The following ADCY7 variants were observed in gnomAD, a reference collection of about 807,000 sequenced individuals.
ADCY7 encodes adenylate cyclase type 7.
In ADCY7, 72 loss-of-function variants were observed where a neutral mutation model predicts 120.6. That is an observed-to-expected ratio of 0.60 (90% CI 0.49 to 0.73). ADCY7 has a LOEUF of 0.73. ADCY7 is among the 30% of genes least tolerant of loss of function. ADCY7 has a pLI of 0.00. For synonymous variants in ADCY7, 661 were observed against 628.0 expected (o/e 1.05, Z -0.78); for missense variants, 1,227 against 1,486.0 (o/e 0.83, Z 2.87).
chr16:50,288,338 C>T lies in ADCY7; in HGVS notation c.159C>T (p.Ala53=), dbSNP rs1000314822. 15 of 1,548,074 alleles carry T rather than the reference C, an allele frequency of 9.7e-6. No individual in the cohort carries two copies. In the African/African-American group the frequency reaches 1.8e-4, roughly 18 times the overall value. The change falls in exon 2 of 26, where the codon GCC becomes GCT. Residue 53 remains alanine, a synonymous_variant. Transcript: ENST00000673801. ...CCTGCGTGGCCCTCATCATCATTGC[C>T]TTCAGCCAGGGGGTGAGTGAGGGCA... ...ATACVALIII[A]FSQGDPSRHQ... is the part of the protein sequence containing the mutation.
At chr16:50,256,021 AATT>A (rs34181816) in intron 1 of ADCY7, among the ~76,000 whole-genome samples, 24 of 151,718 alleles carry the variant, frequency 1.6e-4, no homozygotes, top group African/African-American at 3.9e-4. Flanking sequence ...TGGTCTGGGC[AATT>A]ATTATTATTA....
intron 10 of ADCY7, among the ~76,000 whole-genome samples, chr16:50,303,212 G>A (rs1015996792): frequency 3.3e-5 from 5 of 152,100 alleles, no homozygotes; most frequent in Non-Finnish European, 7.3e-5. Flanking sequence ...CCCCCACCAG[G>A]TTGCTCACCA....
At chr16:50,311,395 C>G (rs1236113361) in intron 19 of ADCY7, among the ~76,000 whole-genome samples, 1 of 152,182 alleles carries the variant, frequency 6.6e-6, no homozygotes, top group Non-Finnish European at 1.5e-5. Context: ...CCATCCACCC[C>G]ACCCCGCCTG....
At chr16:50,313,723 A>T (rs2036617640) in intron 22 of ADCY7, 1 of 544,750 alleles carries the variant, frequency 1.8e-6, no homozygotes, top group African/African-American at 1.9e-5. Context: ...GCAGACACAG[A>T]TGGAAGGGAA....
Position 50,309,681 on chromosome 16 carries a change from C to G in ADCY7, c.2160+35C>G, listed in dbSNP as rs374941838. The G allele has an allele frequency of 2.6e-5, 41 of 1,571,594 alleles. No homozygotes were observed. In the African/African-American group the frequency reaches 5.2e-4, roughly 20 times the overall value. On this transcript the variant is annotated intron_variant, in intron 18 of 25. Transcript: ENST00000673801. ...CCGGGCCCGGCTCCGTGGCCTCATT[C>G]AGAGTGGGGCTGCTGCTGCCAGAGG...
Position 50,300,872 on chromosome 16 carries a change from G to A in ADCY7, c.1234G>A (p.Gly412Ser), listed in dbSNP as rs984907922. The change falls in exon 9 of 26, where the codon GGC becomes AGC. Residue 412 changes from glycine (G) to serine (S), a missense_variant and splice_region_variant. This residue lies in a region of ADCY7 where 332 missense variants were observed against 455.8 expected (regional missense o/e 0.73). Coordinates refer to ENST00000673801, the MANE Select transcript of ADCY7 (RefSeq NM_001114.5). Reference sequence around the variant, plus strand: ...CCGGATGGAGGCAGCCGGAGTACCCGGGTGAGGCTGGGCTGGGTAGCCGCA... The same window carrying A: ...CCGGATGGAGGCAGCCGGAGTACCCAGGTGAGGCTGGGCTGGGTAGCCGCA... ...ANRMEAAGVPGRVHITEATLK... is the reference protein window; with the variant it reads ...ANRMEAAGVPSRVHITEATLK... 3.9e-6 allele frequency: 6 copies of A among 1,555,142 alleles called. No homozygotes were observed. The highest frequency in any genetic ancestry group is 1.9e-5 in the Admixed American group (1 of 51,432).
chr16:50,315,492 T>A lies in ADCY7; in HGVS notation c.3230T>A (p.Leu1077Gln), dbSNP rs753470195. Residue 1077 changes from leucine (L) to glutamine (Q), a missense_variant, in exon 26 of 26, where the codon CTG becomes CAG. By Grantham distance (113) the Leu-to-Gln change is moderately radical. Transcript: ENST00000673801. ...VCTDTAKFQG[L>Q]GLN ...ACGGACACTGCCAAGTTTCAGGGGCTGGGGCTGAACTGAGGGCTCCTGCTG... is the reference window on the plus strand; with the variant it reads ...ACGGACACTGCCAAGTTTCAGGGGCAGGGGCTGAACTGAGGGCTCCTGCTG... The A allele has an allele frequency of 1.2e-6, 2 of 1,612,814 alleles. No individual in the cohort carries two copies. Among genetic ancestry groups the A allele is most frequent in the Non-Finnish European group, 1.7e-6 (2 of 1,178,974 alleles).
intron 17 of ADCY7, 105 bp downstream of exon 17, chr16:50,308,897 C>G (rs2036262405): frequency 7.2e-7 from 1 of 1,396,890 alleles, no homozygotes; most frequent in African/African-American, 1.4e-5. Context: ...GTCCTCTCCC[C>G]CGAGCTCAGC....
intron 22 of ADCY7, 83 bp downstream of exon 22, chr16:50,313,119 C>T: frequency 6.4e-7 from 1 of 1,563,718 alleles, no homozygotes; most frequent in Non-Finnish European, 8.7e-7. Context: ...ATCCTAAAAC[C>T]CAATTTAAAA....
At chr16:50,259,825 G>A (rs1419944835) in intron 1 of ADCY7, among the ~76,000 whole-genome samples, 2 of 152,220 alleles carry the variant, frequency 1.3e-5, no homozygotes, top group Admixed American at 1.3e-4. Context: ...GGGTCAGAAG[G>A]CGCTAGTGGA....
chr16:50,285,841 G>A (rs150558197), intron 1 of ADCY7, among the ~76,000 whole-genome samples: 83 of 152,346 alleles, frequency 5.4e-4, no homozygotes, highest in African/African-American at 1.8e-3. Flanking sequence ...TGGGGAGAGA[G>A]AGCCCAGACT....
chr16:50,304,426 C>T lies in ADCY7; in HGVS notation c.1435C>T (p.Arg479Trp). 1.9e-6 allele frequency: 3 copies of T among 1,602,784 alleles called. No individual in the cohort carries two copies. Among genetic ancestry groups the T allele is most frequent in the South Asian group, 1.1e-5 (1 of 90,034 alleles). ...RPKGDAALKMRASVRMTRYLE... is the reference protein window; with the variant it reads ...RPKGDAALKMWASVRMTRYLE... ...CAAGGGGGACGCGGCCCTGAAGATG[C>T]GGGCGTCAGTGCGCATGACCCGGTA... The change falls in exon 11 of 26, where the codon CGG (arginine) becomes TGG (tryptophan). Residue 479 changes from arginine (R) to tryptophan (W), a missense_variant. Coordinates refer to ENST00000673801, the MANE Select transcript of ADCY7 (RefSeq NM_001114.5).
rs79444364 is a variant in ADCY7, at chr16:50,311,803, C to G, written c.2448+17C>G. On this transcript the variant is annotated intron_variant, in intron 20 of 25. Transcript: ENST00000673801. ...TCCAGACAGGTAAGGAGGCTGGCCC[C>G]CCCCCCCCCCCCAAGCTCTGCCCAC... 100 of 817,016 alleles carry G rather than the reference C, an allele frequency of 1.2e-4. No individual in the cohort carries two copies. The highest frequency in any genetic ancestry group is 8.3e-4 in the East Asian group (21 of 25,430). The allele number at this position is 817,016 out of a possible 1,614,324, so 50.6% of individuals were successfully genotyped here.
At chr16:50,315,300 C>T in intron 25 of ADCY7, 59 bp from the exon 26 acceptor site, 1 of 1,582,378 alleles carries the variant, frequency 6.3e-7, no homozygotes, top group African/African-American at 1.3e-5. Context: ...TCTATCTGTC[C>T]CTACCATGAC....
chr16:50,280,107 C>A (rs948488865), intron 1 of ADCY7, among the ~76,000 whole-genome samples: 2 of 152,048 alleles, frequency 1.3e-5, no homozygotes, highest in African/African-American at 4.8e-5. Context: ...ATTACTAATT[C>A]AATTTAGGAG....
chr16:50,280,651 C>G lies in ADCY7; in HGVS notation c.-268-7261C>G, dbSNP rs9926720. 2.0e-5 allele frequency among the ~76,000 whole-genome samples: 3 copies of G among 152,084 alleles called. No homozygotes were observed. In the South Asian group the frequency reaches 6.2e-4, roughly 32 times the overall value. ...ATCAAAGAACAACTTTCTACCCATC[C>G]CTAGAAGTAGCTCTCTGGGGCCAGG... On this transcript the variant is annotated intron_variant, in intron 1 of 25. Transcript: ENST00000673801.
chr16:50,304,447 C>A lies in ADCY7; in HGVS notation c.1456C>A (p.Arg486=). Residue 486 remains arginine, a synonymous_variant, in exon 11 of 26, where the codon CGG becomes AGG. Transcript: ENST00000673801. Reference sequence around the variant, plus strand: ...GATGCGGGCGTCAGTGCGCATGACCCGGTACCTCGAGTCCTGGGGGGCGGC... The same window carrying A: ...GATGCGGGCGTCAGTGCGCATGACCAGGTACCTCGAGTCCTGGGGGGCGGC... ...LKMRASVRMT[R]YLESWGAARP... 6.2e-7 allele frequency: 1 copy of A among 1,609,336 alleles called. No individual in the cohort carries two copies. The highest frequency in any genetic ancestry group is 8.5e-7 in the Non-Finnish European group (1 of 1,177,948).
intron 6 of ADCY7, among the ~76,000 whole-genome samples, chr16:50,293,951 T>A (rs2035171571): frequency 6.6e-6 from 1 of 151,984 alleles, no homozygotes; most frequent in Non-Finnish European, 1.5e-5. Flanking sequence ...CTGACCTGAG[T>A]TTGTCAAGTG....
At chr16:50,301,588 T>G in intron 10 of ADCY7, 1 of 209,372 alleles carries the variant, frequency 4.8e-6, no homozygotes, top group Non-Finnish European at 9.7e-6. Context: ...AAACAAGCTT[T>G]GGATGAAACT....
Sources: allele counts gnomAD v4.1 joint callset (sites outside exome capture counted in the v4.1 genomes callset), GRCh38; gene constraint gnomAD v4.1.1; regional missense constraint gnomAD v4.1.1; transcripts MANE v1.5; gene names NCBI Gene and HGNC (gene_info 2026-07-23, HGNC 2026-07-21).